Variants in SIPA1L1 observed in about 807,000 individuals in gnomAD.
SIPA1L1 encodes signal induced proliferation associated 1 like 1, also known as signal-induced proliferation-associated 1-like protein 1.
SIPA1L1 carries 26 observed loss-of-function variants against 162.7 expected under a neutral mutation model. The ratio of observed to expected loss-of-function variants is 0.16; its 90% CI spans 0.12 to 0.22. SIPA1L1 has a LOEUF of 0.22. Among genes scored for constraint, SIPA1L1 ranks in the 10% least tolerant of loss-of-function variants. SIPA1L1 has a pLI of 1.00. For missense variants in SIPA1L1, 1,874 were observed against 2,241.0 expected (o/e 0.84, Z 3.31); for synonymous variants, 829 against 837.4 (o/e 0.99, Z 0.17).
intron 2 of SIPA1L1, among the ~76,000 whole-genome samples, chr14:71,431,107 C>T (rs373603929): frequency 1.3e-5 from 2 of 152,136 alleles, no homozygotes; most frequent in African/African-American, 4.8e-5. Flanking sequence ...ATTAAATGCA[C>T]GATATGCTTT....
intron 2 of SIPA1L1, among the ~76,000 whole-genome samples, chr14:71,392,485 T>G (rs1334334950): frequency 1.3e-5 from 2 of 152,204 alleles, no homozygotes. Flanking sequence ...TTTTTCTGCT[T>G]TGCTCAAGTT....
intron 12 of SIPA1L1, among the ~76,000 whole-genome samples, chr14:71,684,239 G>C (rs1276382284): frequency 6.6e-6 from 1 of 152,212 alleles, no homozygotes; most frequent in Admixed American, 6.5e-5. Flanking sequence ...TACTGAAGGT[G>C]GGGGAGAAGA....
intron 2 of SIPA1L1, among the ~76,000 whole-genome samples, chr14:71,495,886 C>CAAAAAAAAAAAAA (rs61183823): frequency 5.3e-5 from 2 of 38,004 alleles, no homozygotes; most frequent in East Asian, 5.1e-4. Flanking sequence ...TCCATCTCTA[C>CAAAAAAAAAAAAA]AAAAAAAAAA....
chr14:71,682,931 A>G (rs976412167), intron 12 of SIPA1L1, among the ~76,000 whole-genome samples: 2 of 152,242 alleles, frequency 1.3e-5, no homozygotes, highest in African/African-American at 4.8e-5. Flanking sequence ...AGGCAGGTAC[A>G]TCACTTGAGC....
intron 2 of SIPA1L1, among the ~76,000 whole-genome samples, chr14:71,366,419 T>C (rs2038299781): frequency 6.6e-6 from 1 of 152,150 alleles, no homozygotes; most frequent in South Asian, 2.1e-4. Flanking sequence ...ACCATGTTTC[T>C]GTTTTGGCTC....
chr14:71,598,284 CTG>C, intron 5 of SIPA1L1: 3 of 926,532 alleles, frequency 3.2e-6, no homozygotes, highest in Non-Finnish European at 2.6e-6. Context: ...CAGTGAATGA[CTG>C]TTTCAGGAGA....
At chr14:71,445,123 A>G (rs1291843402) in intron 2 of SIPA1L1, among the ~76,000 whole-genome samples, 2 of 152,250 alleles carry the variant, frequency 1.3e-5, no homozygotes, top group Admixed American at 1.3e-4. Flanking sequence ...ACAACATGCA[A>G]TCTAATTGCT....
At chr14:71,620,359 AC>A (rs2039303003) in intron 6 of SIPA1L1, among the ~76,000 whole-genome samples, 1 of 152,162 alleles carries the variant, frequency 6.6e-6, no homozygotes, top group South Asian at 2.1e-4. Context: ...GTGAGCCACC[AC>A]ACCTGGCCGT....
At chr14:71,510,470 G>A (rs1238456975) in intron 2 of SIPA1L1, among the ~76,000 whole-genome samples, 1 of 151,972 alleles carries the variant, frequency 6.6e-6, no homozygotes, top group Non-Finnish European at 1.5e-5. Context: ...TTACAGGTGC[G>A]AGCCACCACG....
chr14:71,653,318 A>G (rs2042783744), intron 8 of SIPA1L1, among the ~76,000 whole-genome samples: 1 of 152,118 alleles, frequency 6.6e-6, no homozygotes, highest in Admixed American at 6.6e-5. Flanking sequence ...ATTCGTTGGT[A>G]GTTGTTCTTT....
Position 71,724,847 on chromosome 14 carries a change from A to G in SIPA1L1, c.4614+12A>G. ...AGAAGAGTTTTAAGGTACAAGACAG[A>G]GCTCAGGGTAGATGGCAATTAGAAA... On this transcript the variant is annotated intron_variant, in intron 19 of 23. Transcript: ENST00000381232. 6.2e-7 allele frequency: 1 copy of G among 1,609,412 alleles called. No homozygotes were observed. Among genetic ancestry groups the G allele is most frequent in the Non-Finnish European group, 8.5e-7 (1 of 1,177,940 alleles).
intron 2 of SIPA1L1, among the ~76,000 whole-genome samples, chr14:71,391,762 G>A (rs2141358860): frequency 6.6e-6 from 1 of 152,310 alleles, no homozygotes; most frequent in Non-Finnish European, 1.5e-5. Context: ...ACATTTTAAG[G>A]AGAGAGGGAG....
intron 8 of SIPA1L1, 62 bp downstream of exon 8, chr14:71,650,571 T>C (rs1046594426): frequency 1.6e-5 from 24 of 1,485,778 alleles, no homozygotes; most frequent in Non-Finnish European, 1.9e-6. Context: ...GTTGTGCATC[T>C]GCTAAATTAT....
chr14:71,446,046 ACTGTGTTGCCCAGGCTGAT>A (rs2045318358), intron 2 of SIPA1L1, among the ~76,000 whole-genome samples: 1 of 152,020 alleles, frequency 6.6e-6, no homozygotes, highest in Non-Finnish European at 1.5e-5. Flanking sequence ...ATGGAATCTC[ACTGTGTTGCCCAGGCTGAT>A]CTTGGACTTC....
chr14:71,611,581 A>G (rs1035795378), intron 5 of SIPA1L1, among the ~76,000 whole-genome samples: 1 of 151,648 alleles, frequency 6.6e-6, no homozygotes, highest in Non-Finnish European at 1.5e-5. Context: ...GACAGGCCCC[A>G]GTGCGTGATA....
intron 2 of SIPA1L1, chr14:71,330,762 G>C: frequency 1.3e-6 from 1 of 787,254 alleles, no homozygotes; most frequent in Non-Finnish European, 2.3e-6. Flanking sequence ...TGTCTATCTC[G>C]GGCAAGGCCC....
chr14:71,339,547 A>G (rs1277154631), intron 2 of SIPA1L1, among the ~76,000 whole-genome samples: 1 of 151,886 alleles, frequency 6.6e-6, no homozygotes, highest in African/African-American at 2.4e-5. Context: ...TATTTTTAGT[A>G]GAGACAGGGT....
In SIPA1L1 at chr14:71,671,289, G is replaced by T; in HGVS notation, c.2426G>T (p.Arg809Leu). 6.2e-7 allele frequency: 1 copy of T among 1,614,166 alleles called. No homozygotes were observed. The highest frequency in any genetic ancestry group is 8.5e-7 in the Non-Finnish European group (1 of 1,180,026). ...TTTCGGGCCATGGCAACTCGGACCCGCCAGGAATACCTGAAAGATCTGGCA... is the reference window on the plus strand; with the variant it reads ...TTTCGGGCCATGGCAACTCGGACCCTCCAGGAATACCTGAAAGATCTGGCA... ...EKFRAMATRT[R>L]QEYLKDLAEK... The change falls in exon 11 of 24, where the codon CGC becomes CTC. Residue 809 changes from arginine (R) to leucine (L), a missense_variant. Coordinates refer to ENST00000381232, the MANE Select transcript of SIPA1L1 (RefSeq NM_001386936.1).
At chr14:71,419,087 G>A (rs754959401) in intron 2 of SIPA1L1, among the ~76,000 whole-genome samples, 4 of 152,100 alleles carry the variant, frequency 2.6e-5, no homozygotes, top group East Asian at 1.9e-4. Context: ...TTCCTGAACC[G>A]TTGCTGTCTC....
Sources: allele counts gnomAD v4.1 joint callset (sites outside exome capture counted in the v4.1 genomes callset), GRCh38; gene constraint gnomAD v4.1.1; transcripts MANE v1.5; gene names NCBI Gene and HGNC (gene_info 2026-07-23, HGNC 2026-07-21).